The following HMGXB3 variants were observed in gnomAD, a reference collection of about 807,000 sequenced individuals.
HMGXB3 encodes the protein HMG-box containing 3, also known as HMG domain-containing protein 3.
Under a neutral mutation model 121.5 loss-of-function variants are expected in HMGXB3, and 45 were observed. That is an observed-to-expected ratio of 0.37 (90% CI 0.29 to 0.47). The LOEUF (loss-of-function observed/expected upper bound fraction) is 0.47. Ranked by LOEUF, HMGXB3 falls within the 20% of genes least tolerant of loss-of-function variation. HMGXB3 has a pLI of 0.99. For missense variants in HMGXB3, 1,376 were observed against 1,602.2 expected (o/e 0.86, Z 2.41); for synonymous variants, 590 against 624.1 (o/e 0.95, Z 0.81).
intron 9 of HMGXB3, among the ~76,000 whole-genome samples, chr5:150,029,028 G>C (rs1387033283): frequency 6.6e-6 from 1 of 152,098 alleles, no homozygotes; most frequent in African/African-American, 2.4e-5. Context: ...ATGAATGCAT[G>C]GTTGTAGAAA....
At chr5:150,051,401 G>A (rs934378493) in intron 19 of HMGXB3, among the ~76,000 whole-genome samples, 2 of 152,214 alleles carry the variant, frequency 1.3e-5, no homozygotes, top group African/African-American at 4.8e-5. Context: ...GGCTCCATGA[G>A]CATGCTGGGG....
At chr5:150,014,633 C>T (rs1034183914) in intron 5 of HMGXB3, among the ~76,000 whole-genome samples, 1 of 152,116 alleles carries the variant, frequency 6.6e-6, no homozygotes, top group Admixed American at 6.5e-5. Flanking sequence ...GAAACAGTCT[C>T]CATTTATGAT....
chr5:150,022,499 G>A (rs753306307), intron 6 of HMGXB3, among the ~76,000 whole-genome samples: 3 of 152,198 alleles, frequency 2.0e-5, no homozygotes, highest in Non-Finnish European at 4.4e-5. Flanking sequence ...CATCTAAAAT[G>A]AGTAGGCTGA....
intron 7 of HMGXB3, 78 bp downstream of exon 7, chr5:150,024,758 C>T (rs1756186427): frequency 8.3e-7 from 1 of 1,209,568 alleles, no homozygotes; most frequent in Non-Finnish European, 1.1e-6. Context: ...TACAGCATGC[C>T]TGAGAGAGGC....
At chr5:150,047,880 A>G in intron 17 of HMGXB3, 123 bp downstream of exon 17, 1 of 1,035,496 alleles carries the variant, frequency 9.7e-7, no homozygotes, top group Non-Finnish European at 1.4e-6. Flanking sequence ...GCTGGCAGTC[A>G]GGGATGCCTA....
intron 9 of HMGXB3, 154 bp from the exon 10 acceptor site, chr5:150,030,587 G>T (rs1004258486): frequency 1.6e-5 from 10 of 609,258 alleles, no homozygotes; most frequent in Admixed American, 2.8e-5. Context: ...CCTTTGGTGG[G>T]CTTGTGACTG....
chr5:150,050,191 G>C, intron 18 of HMGXB3, 61 bp from the exon 19 acceptor site: 1 of 1,394,400 alleles, frequency 7.2e-7, no homozygotes, highest in Non-Finnish European at 1.0e-6. Flanking sequence ...AGTGAGAACT[G>C]TACACTCTCT....
At chr5:150,011,503 A>G (rs1023302233) in intron 4 of HMGXB3, among the ~76,000 whole-genome samples, 6 of 152,058 alleles carry the variant, frequency 3.9e-5, no homozygotes, top group African/African-American at 7.2e-5. Flanking sequence ...TACCCCTGCA[A>G]TCTGTCCCAG....
intron 11 of HMGXB3, among the ~76,000 whole-genome samples, chr5:150,035,176 G>A (rs114156699): frequency 0.018 from 2,725 of 152,260 alleles, 76 homozygotes; most frequent in African/African-American, 0.063. Context: ...AATACCTGAG[G>A]CTAGGCAATT....
chr5:150,019,648 AAGAG>A (rs372545663), intron 6 of HMGXB3, among the ~76,000 whole-genome samples: 1 of 152,242 alleles, frequency 6.6e-6, no homozygotes, highest in Non-Finnish European at 1.5e-5. Context: ...GGTATTATAG[AAGAG>A]AGAGAGTTGA....
chr5:150,045,649 G>A lies in HMGXB3; in HGVS notation c.2914G>A (p.Glu972Lys). 6.4e-7 allele frequency: 1 copy of A among 1,551,746 alleles called. No individual in the cohort carries two copies. ...GAGAGGAGCTGTGGTCGTCAACACT[G>A]AGAAAGACAAAAACCTGGATGTGCA... ...LMRGAVVVNT[E>K]KDKNLDVQPV... Residue 972 changes from glutamate (E) to lysine (K), a missense_variant, in exon 16 of 20, where the codon GAG becomes AAG. Glu to Lys is a moderately conservative substitution (Grantham distance 56). Around this residue, in one of 2 missense-constraint regions of HMGXB3, gnomAD observed 1,116 missense variants for 1,369.0 expected, o/e 0.82. Coordinates refer to ENST00000502717, the MANE Select transcript of HMGXB3 (RefSeq NM_014983.3).
Position 150,010,528 on chromosome 5 carries a change from T to C in HMGXB3, c.730T>C (p.Ser244Pro). The change falls in exon 4 of 20, where the codon TCA becomes CCA. Residue 244 changes from serine (S) to proline (P), a missense_variant. By Grantham distance (74) the Ser-to-Pro change is moderately conservative. Transcript: ENST00000502717. ...LVIEETLVNGSPDLPTGSLAV... is the reference protein window; with the variant it reads ...LVIEETLVNGPPDLPTGSLAV... ...AATTGAAGAGACCTTGGTGAATGGC[T>C]CACCAGACCTCCCCACTGGAAGCCT... 1 of 1,551,572 alleles carries C rather than the reference T, an allele frequency of 6.4e-7. No individual in the cohort carries two copies. The highest frequency in any genetic ancestry group is 8.7e-7 in the Non-Finnish European group (1 of 1,146,996).
At chr5:150,025,819 C>T (rs1030078235) in intron 7 of HMGXB3, among the ~76,000 whole-genome samples, 23 of 152,162 alleles carry the variant, frequency 1.5e-4, no homozygotes, top group Non-Finnish European at 7.4e-5. Flanking sequence ...GTGATCCGCC[C>T]GCCTTGGCCT....
At position 150,006,515 on chromosome 5, in the gene HMGXB3, G is replaced by T; in HGVS notation, c.180G>T (p.Val60=). 1 of 1,551,916 alleles carries T rather than the reference G, an allele frequency of 6.4e-7. No homozygotes were observed. The highest frequency in any genetic ancestry group is 8.7e-7 in the Non-Finnish European group (1 of 1,147,016). Reference sequence around the variant, plus strand: ...ACTATTACGACATCTACCTGAAAGTGCAGCAGGAGCTCCCCCACCTCCCTC... The same window carrying T: ...ACTATTACGACATCTACCTGAAAGTTCAGCAGGAGCTCCCCCACCTCCCTC... ...LLYYYDIYLK[V]QQELPHLPQS... The change falls in exon 3 of 20, where the codon GTG becomes GTT. Residue 60 remains valine (V), a synonymous_variant. Coordinates refer to ENST00000502717, the MANE Select transcript of HMGXB3 (RefSeq NM_014983.3).
Position 150,047,650 on chromosome 5 carries a change from C to T in HMGXB3, c.2977C>T (p.Leu993Phe), listed in dbSNP as rs1332987617. The T allele has an allele frequency of 1.3e-6, 2 of 1,551,580 alleles. No individual in the cohort carries two copies. The highest frequency in any genetic ancestry group is 1.7e-6 in the Non-Finnish European group (2 of 1,147,008). ...CAGTGGCAGTGCCTTGGTGAGGCTG[C>T]TCCAGGAGGGCACCTGCAAGCTTGA... is the stretch of plus-strand genomic sequence containing the variant. ...PGSGSALVRL[L>F]QEGTCKLDEI... Residue 993 changes from leucine (L) to phenylalanine (F), a missense_variant, in exon 17 of 20, where the codon CTC becomes TTC. Coordinates refer to ENST00000502717, the MANE Select transcript of HMGXB3 (RefSeq NM_014983.3).
At chr5:150,018,476 G>T in intron 5 of HMGXB3, 90 bp from the exon 6 acceptor site, 1 of 1,106,068 alleles carries the variant, frequency 9.0e-7, no homozygotes, top group Admixed American at 3.7e-5. Context: ...CTTTCCACAA[G>T]CTTGTGACCT....
intron 15 of HMGXB3, among the ~76,000 whole-genome samples, chr5:150,044,540 G>T (rs769677297): frequency 2.6e-5 from 4 of 152,198 alleles, no homozygotes; most frequent in Non-Finnish European, 5.9e-5. Context: ...ACTTTTTACA[G>T]TGGAGGGCTT....
intron 7 of HMGXB3, among the ~76,000 whole-genome samples, chr5:150,026,343 C>T (rs1756230108): frequency 6.6e-6 from 1 of 152,182 alleles, no homozygotes; most frequent in Admixed American, 6.5e-5. Context: ...TCTCTAGGGT[C>T]TCTAAGCTGC....
At chr5:150,044,133 G>A (rs1182831121) in intron 15 of HMGXB3, among the ~76,000 whole-genome samples, 1 of 152,190 alleles carries the variant, frequency 6.6e-6, no homozygotes, top group African/African-American at 2.4e-5. Flanking sequence ...CTTTCATAGA[G>A]GTACTTCTTT....
Sources: gnomAD v4.1 joint callset for allele counts (sites outside exome capture counted in the v4.1 genomes callset) on GRCh38, gnomAD v4.1.1 for gene constraint, gnomAD v4.1.1 regional missense constraint, MANE v1.5 for transcripts, NCBI Gene and HGNC (gene_info 2026-07-23, HGNC 2026-07-21) for gene names.